The following NUP214 variants were observed in gnomAD, a reference collection of about 807,000 sequenced individuals.
NUP214 encodes the protein nuclear pore complex protein Nup214.
A neutral mutation model predicts 196.2 loss-of-function variants in NUP214; 79 were observed. That is an observed-to-expected ratio of 0.40 (90% CI 0.34 to 0.49). The LOEUF (loss-of-function observed/expected upper bound fraction) is 0.49. Among genes scored for constraint, NUP214 ranks in the 20% least tolerant of loss-of-function variants. The pLI is 0.58. For missense variants in NUP214, 2,468 were observed against 2,539.0 expected (o/e 0.97, Z 0.60); for synonymous variants, 1,020 against 990.5 (o/e 1.03, Z -0.56).
intron 15 of NUP214, 103 bp downstream of exon 15, chr9:131,150,513 A>G: frequency 6.4e-7 from 1 of 1,569,976 alleles, no homozygotes; most frequent in Non-Finnish European, 8.8e-7. Flanking sequence ...CTAGCGCTGA[A>G]GCATGGCCCA....
Position 131,222,886 on chromosome 9 carries a change from G to T in NUP214, c.5858G>T (p.Ser1953Ile). Residue 1953 changes from serine (S) to isoleucine (I), a missense_variant, in exon 32 of 36, where the codon AGT becomes ATT. Ser to Ile is a moderately radical substitution (Grantham distance 142, BLOSUM62 -2). This residue lies in a region of NUP214 where 262 missense variants were observed against 296.5 expected (regional missense o/e 0.88). Coordinates refer to ENST00000359428, the MANE Select transcript of NUP214 (RefSeq NM_005085.4). ...PTGTFSSGGG[S>I]VASQGFGFSS... ...GGCACTTTCAGCTCTGGAGGAGGAA[G>T]TGTGGCATCCCAAGGCTTTGGGTTT... 1 of 1,614,240 alleles carries T rather than the reference G, an allele frequency of 6.2e-7. No homozygotes were observed. Among genetic ancestry groups the T allele is most frequent in the Non-Finnish European group, 8.5e-7 (1 of 1,180,046 alleles).
chr9:131,138,111 CTGCTTGCTTTCT>C (rs1390831913), intron 9 of NUP214, among the ~76,000 whole-genome samples: 2 of 151,956 alleles, frequency 1.3e-5, no homozygotes, highest in Non-Finnish European at 2.9e-5. Flanking sequence ...AACTGCCTGC[CTGCTTGCTTTCT>C]TGCTTGCTTT....
chr9:131,189,027 A>G, intron 25 of NUP214, 26 bp from the exon 26 acceptor site: 1 of 1,547,784 alleles, frequency 6.5e-7, no homozygotes, highest in East Asian at 2.2e-5. Context: ...GTTTAACATA[A>G]ACATTTTGCT....
chr9:131,148,766 A>G (rs1317313212), intron 14 of NUP214, among the ~76,000 whole-genome samples: 1 of 152,106 alleles, frequency 6.6e-6, no homozygotes, highest in Non-Finnish European at 1.5e-5. Context: ...CTGATTTTTA[A>G]GAGTGAGTTC....
At chr9:131,155,914 G>A (rs750859642) in intron 17 of NUP214, among the ~76,000 whole-genome samples, 2 of 152,122 alleles carry the variant, frequency 1.3e-5, no homozygotes, top group Non-Finnish European at 2.9e-5. Flanking sequence ...CAGATAACGT[G>A]ATACCTCCAG....
Position 131,233,478 on chromosome 9 carries a change from G to T in NUP214, c.6264G>T (p.Trp2088Cys). 1 of 1,613,646 alleles carries T rather than the reference G, an allele frequency of 6.2e-7. No homozygotes were observed. Among genetic ancestry groups the T allele is most frequent in the Non-Finnish European group, 8.5e-7 (1 of 1,179,786 alleles). Reference sequence around the variant, plus strand: ...GGTCTGTCCAGGGTTTTGGTGGCTGGCGAAGCTGAGGGCGTGTCAGCAGGC... The same window carrying T: ...GGTCTGTCCAGGGTTTTGGTGGCTGTCGAAGCTGAGGGCGTGTCAGCAGGC... The part of the protein sequence containing the change: ...NNSSVQGFGG[W>C]RS The change falls in exon 36 of 36, where the codon TGG becomes TGT. Residue 2088 changes from tryptophan (W) to cysteine (C), a missense_variant. By Grantham distance (215) the Trp-to-Cys change is radical. Transcript: ENST00000359428.
chr9:131,214,935 C>T (rs781218425), intron 30 of NUP214, among the ~76,000 whole-genome samples: 2 of 152,178 alleles, frequency 1.3e-5, no homozygotes, highest in Non-Finnish European at 1.5e-5. Flanking sequence ...CAAACAGACA[C>T]TGCGGGCAGT....
rs764205331 is a variant in NUP214, at chr9:131,178,395, C to G, written c.3404C>G (p.Pro1135Arg). Residue 1135 changes from proline (P) to arginine (R), a missense_variant, in exon 24 of 36, where the codon CCT (proline) becomes CGT (arginine). Pro to Arg is a moderately radical substitution (Grantham distance 103, BLOSUM62 -2). This residue lies in a region of NUP214 where 1,801 missense variants were observed against 1,779.4 expected (regional missense o/e 1.01). Transcript: ENST00000359428. ...GAATTGAAGAATAACCCTGCAACCCCTTCTACAGCCATGGGGTATGTTCTG... is the reference window on the plus strand; with the variant it reads ...GAATTGAAGAATAACCCTGCAACCCGTTCTACAGCCATGGGGTATGTTCTG... ...VQELKNNPAT[P>R]STAMGSSVPY... 3.7e-6 allele frequency: 6 copies of G among 1,612,538 alleles called. No individual in the cohort carries two copies. In the Admixed American group the frequency reaches 1.0e-4, roughly 27 times the overall value.
At chr9:131,225,538 G>T (rs756512522) in intron 32 of NUP214, among the ~76,000 whole-genome samples, 1 of 152,186 alleles carries the variant, frequency 6.6e-6, no homozygotes. Flanking sequence ...TTGAGGCCTC[G>T]AATAGAGAAC....
rs764314421 is a variant in NUP214 at position 131,150,565 on chromosome 9, A to G, written c.2128-51A>G. ...AGTTAGTAAGCACGATAGCAGTGAC[A>G]TTACTGTTTGTCCTTCAGACTGAGT... On this transcript the variant is annotated intron_variant, in intron 15 of 35. Transcript: ENST00000359428. 2.4e-5 allele frequency: 38 copies of G among 1,600,430 alleles called. No individual in the cohort carries two copies. The South Asian group carries it at 4.0e-4, about 17-fold the overall frequency.
intron 30 of NUP214, 89 bp from the exon 31 acceptor site, chr9:131,215,123 G>A: frequency 2.4e-6 from 3 of 1,233,360 alleles, no homozygotes; most frequent in South Asian, 4.0e-5. Context: ...ATTTGTGCCA[G>A]CTGTGAGCAC....
At chr9:131,184,206 T>C (rs1833384003) in intron 24 of NUP214, among the ~76,000 whole-genome samples, 1 of 151,798 alleles carries the variant, frequency 6.6e-6, no homozygotes, top group Non-Finnish European at 1.5e-5. Context: ...AATTTTTGTA[T>C]TTTTAGTAGA....
At chr9:131,128,778 C>T in intron 3 of NUP214, 1 of 321,070 alleles carries the variant, frequency 3.1e-6, no homozygotes, top group Non-Finnish European at 5.8e-6. Context: ...GATGTTCTTC[C>T]ATTCCAAGCA....
In NUP214 at chr9:131,154,840, T is replaced by TGTGCGC. The variant is rs199744793; in HGVS notation, c.2436+2947_2436+2952dup. Among the ~76,000 whole-genome samples the TGTGCGC allele has an allele frequency of 4.6e-3, 696 of 151,354 alleles. 19 individuals are homozygous for TGTGCGC. The East Asian group carries it at 0.073, about 16-fold the overall frequency. On this transcript the variant is annotated intron_variant, in intron 17 of 35. Coordinates refer to ENST00000359428, the MANE Select transcript of NUP214 (RefSeq NM_005085.4). ...GTAGTAGTAGTTGTGTGTGTGTGTG[T>TGTGCGC]GTGCGCACGCGCACGCTCGCGTGTG...
rs74390125 is a variant in NUP214, at chr9:131,168,635, T to C, written c.2893+4491T>C. 1.3e-3 allele frequency among the ~76,000 whole-genome samples: 198 copies of C among 152,314 alleles called. 1 individual carries two copies. Among genetic ancestry groups the C allele is most frequent in the South Asian group, 4.4e-3 (21 of 4,822 alleles). On this transcript the variant is annotated intron_variant, in intron 21 of 35. Coordinates refer to ENST00000359428, the MANE Select transcript of NUP214 (RefSeq NM_005085.4). ...GGTTTAGGTTCTTTCACTTAGCATG[T>C]TTTTGTTGTTCACCCATGATATGTA...
chr9:131,198,986 C>T lies in NUP214; in HGVS notation c.5492C>T (p.Thr1831Ile), dbSNP rs1833874240. 1 of 1,604,180 alleles carries T rather than the reference C, an allele frequency of 6.2e-7. No homozygotes were observed. Among genetic ancestry groups the T allele is most frequent in the East Asian group, 2.2e-5 (1 of 44,656 alleles). The change falls in exon 29 of 36, where the codon ACC becomes ATC. Residue 1831 changes from threonine to isoleucine, a missense_variant. By Grantham distance (89) the Thr-to-Ile change is moderately conservative. Coordinates refer to ENST00000359428, the MANE Select transcript of NUP214 (RefSeq NM_005085.4). ...GTSAATTTAATSGFSFCQASG... is the reference protein window; with the variant it reads ...GTSAATTTAAISGFSFCQASG... ...TCAGCTGCCACCACAACAGCAGCAA[C>T]CTCTGGGTTCAGCTTTTGCCAAGCT...
At chr9:131,150,505 A>G in intron 15 of NUP214, 95 bp downstream of exon 15, 1 of 1,566,354 alleles carries the variant, frequency 6.4e-7, no homozygotes, top group South Asian at 1.1e-5. Flanking sequence ...AGTTCATTCT[A>G]GCGCTGAAGC....
Position 131,233,759 on chromosome 9 carries a change from G to A in NUP214, c.*272G>A. ...CCAAGAAGATTGCCCCGTTTCTGTG[G>A]CTCTGAGAAGCCAGCAGAGCCTCCA... is the stretch of plus-strand genomic sequence containing the variant. On this transcript the variant is annotated 3_prime_UTR_variant, in exon 36 of 36. Transcript: ENST00000359428. 2.1e-6 allele frequency: 1 copy of A among 484,984 alleles called. No homozygotes were observed. Among genetic ancestry groups the A allele is most frequent in the Non-Finnish European group, 3.9e-6 (1 of 258,338 alleles). The allele number at this position is 484,984 out of a possible 1,614,324, so 30.0% of individuals were successfully genotyped here. A position where few individuals can be genotyped will look rare whatever the true frequency, so the allele number is the denominator to read the frequency against.
In NUP214 at chr9:131,168,426, T is replaced by A. The variant is rs143949966; in HGVS notation, c.2893+4282T>A. Reference sequence around the variant, plus strand: ...TGGTAGCTGGGTGCTTTTTACTAAGTTTACAGAATTGTATACCCATCACCA... The same window carrying A: ...TGGTAGCTGGGTGCTTTTTACTAAGATTACAGAATTGTATACCCATCACCA... On this transcript the variant is annotated intron_variant, in intron 21 of 35. Transcript: ENST00000359428. Among the ~76,000 whole-genome samples, 658 of 152,330 alleles carry A rather than the reference T, an allele frequency of 4.3e-3. 5 individuals carry two copies. The highest frequency in any genetic ancestry group is 0.015 in the African/African-American group (631 of 41,558).
Sources: allele counts gnomAD v4.1 joint callset (sites outside exome capture counted in the v4.1 genomes callset), GRCh38; gene constraint gnomAD v4.1.1; regional missense constraint gnomAD v4.1.1; transcripts MANE v1.5; gene names NCBI Gene and HGNC (gene_info 2026-07-23, HGNC 2026-07-21).